Variants in INTS4 observed in about 807,000 individuals in gnomAD.
INTS4 encodes the protein MSTP093.
Under a neutral mutation model 119.5 loss-of-function variants are expected in INTS4, and 70 were observed. The observed-to-expected ratio is 0.59, with a 90% CI of 0.48 to 0.71. The LOEUF is 0.71. INTS4 is among the 30% of genes least tolerant of loss of function. INTS4 has a pLI of 0.00. For synonymous variants in INTS4, 316 were observed against 419.6 expected (o/e 0.75, Z 3.02); for missense variants, 867 against 1,173.2 (o/e 0.74, Z 3.81).
At position 77,891,811 on chromosome 11, in the gene INTS4, T is replaced by C. The variant is rs1952281777; in HGVS notation, c.2318A>G (p.Gln773Arg). 1.2e-6 allele frequency: 2 copies of C among 1,611,752 alleles called. No homozygotes were observed. Among genetic ancestry groups the C allele is most frequent in the Non-Finnish European group, 1.7e-6 (2 of 1,179,680 alleles). The change falls in exon 20 of 23, where the codon CAG becomes CGG. Residue 773 changes from glutamine to arginine, a missense_variant. Gln to Arg is a conservative substitution (Grantham distance 43, BLOSUM62 1). Transcript: ENST00000534064. ...RYFIADLPHL[Q>R]DSFVDKLLDL... ...AAGGAGTTTGTCCACAAAGCTGTCCTGCAAGTGGGGCAAATCAGCGATGAA... is the reference window on the plus strand; with the variant it reads ...AAGGAGTTTGTCCACAAAGCTGTCCCGCAAGTGGGGCAAATCAGCGATGAA...
intron 4 of INTS4, among the ~76,000 whole-genome samples, chr11:77,964,717 G>A (rs1855418342): frequency 6.6e-6 from 1 of 151,900 alleles, no homozygotes; most frequent in South Asian, 2.1e-4. Flanking sequence ...AATGAGGAAG[G>A]GCAAGTGGAG....
At chr11:77,890,149 AAAAC>A (rs769302086) in intron 21 of INTS4, among the ~76,000 whole-genome samples, 36 of 152,334 alleles carry the variant, frequency 2.4e-4, no homozygotes, top group East Asian at 1.2e-3. Context: ...AATGTGGAAA[AAAAC>A]AAACAAACAA....
intron 4 of INTS4, among the ~76,000 whole-genome samples, chr11:77,972,885 G>T (rs1360885780): frequency 6.6e-6 from 1 of 150,854 alleles, no homozygotes; most frequent in Admixed American, 6.6e-5. Flanking sequence ...CAGGCTTAGT[G>T]GAGTGGCATA....
At chr11:77,921,079 T>C (rs1477622783) in intron 14 of INTS4, among the ~76,000 whole-genome samples, 1 of 152,028 alleles carries the variant, frequency 6.6e-6, no homozygotes, top group Non-Finnish European at 1.5e-5. Flanking sequence ...AAACAAGTTT[T>C]CAGAGAATAT....
intron 15 of INTS4, among the ~76,000 whole-genome samples, chr11:77,917,476 G>C (rs914629318): frequency 7.9e-5 from 12 of 151,610 alleles, no homozygotes; most frequent in Non-Finnish European, 1.5e-4. Flanking sequence ...ACCACACCTG[G>C]CTAATTTTTG....
intron 15 of INTS4, among the ~76,000 whole-genome samples, chr11:77,916,342 T>C (rs1953203961): frequency 6.6e-6 from 1 of 152,262 alleles, no homozygotes; most frequent in Non-Finnish European, 1.5e-5. Flanking sequence ...TATAGTCTGT[T>C]GCTCCTAGGC....
chr11:77,965,082 G>A (rs533915803), intron 4 of INTS4, among the ~76,000 whole-genome samples: 4 of 152,124 alleles, frequency 2.6e-5, no homozygotes, highest in African/African-American at 9.6e-5. Context: ...TGTTTTTTAA[G>A]AGACAACATC....
intron 17 of INTS4, among the ~76,000 whole-genome samples, chr11:77,903,298 C>T (rs1483973894): frequency 2.6e-5 from 4 of 151,910 alleles, no homozygotes; most frequent in African/African-American, 4.8e-5. Context: ...CCTCTGGCTC[C>T]GCCTTGGACC....
chr11:77,965,908 C>T (rs1294686985), intron 4 of INTS4, among the ~76,000 whole-genome samples: 1 of 152,166 alleles, frequency 6.6e-6, no homozygotes, highest in Non-Finnish European at 1.5e-5. Flanking sequence ...ATCTTGTTTT[C>T]CATAAATAGT....
chr11:77,969,150 G>C (rs754577271), intron 4 of INTS4, among the ~76,000 whole-genome samples: 1 of 152,064 alleles, frequency 6.6e-6, no homozygotes, highest in Non-Finnish European at 1.5e-5. Context: ...GGCCAGGCTG[G>C]TCTCAAACTC....
At chr11:77,967,106 T>C (rs1234455710) in intron 4 of INTS4, among the ~76,000 whole-genome samples, 2 of 152,324 alleles carry the variant, frequency 1.3e-5, no homozygotes, top group South Asian at 2.1e-4. Flanking sequence ...ATATTAAGCA[T>C]CTTTTCATAT....
intron 15 of INTS4, among the ~76,000 whole-genome samples, chr11:77,913,452 C>T (rs1477682814): frequency 1.3e-5 from 2 of 151,794 alleles, no homozygotes; most frequent in South Asian, 2.1e-4. Flanking sequence ...GCTGGGACTA[C>T]AGGCACCCGC....
chr11:77,964,754 AAAG>A (rs1855421353), intron 4 of INTS4, among the ~76,000 whole-genome samples: 1 of 151,954 alleles, frequency 6.6e-6, no homozygotes, highest in African/African-American at 2.4e-5. Flanking sequence ...AGCAGGAAGG[AAAG>A]AAGAGAGGGA....
Position 77,984,888 on chromosome 11 carries a change from G to A in INTS4, c.247-3312C>T, listed in dbSNP as rs188892734. Among the ~76,000 whole-genome samples the A allele has an allele frequency of 2.5e-3, 325 of 130,102 alleles. 2 individuals are homozygous for A. The highest frequency in any genetic ancestry group is 9.2e-3 in the African/African-American group (316 of 34,318). 85.4% of individuals were successfully genotyped at this position (130,102 alleles called of 152,430 possible). On this transcript the variant is annotated intron_variant, in intron 2 of 22. Coordinates refer to ENST00000534064, the MANE Select transcript of INTS4 (RefSeq NM_033547.4). ...TGTTAGGAAAAAAAAGGGAAAAAAG[G>A]GGGGGAAAAGAAAATAAATGTAAAT... is the stretch of plus-strand genomic sequence containing the variant.
At chr11:77,901,641 G>A in intron 17 of INTS4, 90 bp from the exon 18 acceptor site, 1 of 944,708 alleles carries the variant, frequency 1.1e-6, no homozygotes, top group Non-Finnish European at 1.7e-6. Context: ...GACCTTAGGT[G>A]AAACTCTTAA....
At chr11:77,917,904 A>G (rs1387074097) in intron 15 of INTS4, 38 of 587,796 alleles carry the variant, frequency 6.5e-5, no homozygotes, top group Non-Finnish European at 9.8e-5. Flanking sequence ...TAAAGACTGC[A>G]TGTCCTCGCT....
intron 4 of INTS4, among the ~76,000 whole-genome samples, chr11:77,969,945 G>A (rs1167782503): frequency 6.6e-6 from 1 of 152,108 alleles, no homozygotes; most frequent in Non-Finnish European, 1.5e-5. Flanking sequence ...CTTTCACTTA[G>A]CATAATGTTT....
At chr11:77,964,851 T>G (rs1190902932) in intron 4 of INTS4, among the ~76,000 whole-genome samples, 2 of 152,068 alleles carry the variant, frequency 1.3e-5, no homozygotes, top group Admixed American at 6.6e-5. Context: ...GGTAGTTTGA[T>G]GAGGAAGAGC....
At chr11:77,968,058 G>A (rs1855570208) in intron 4 of INTS4, among the ~76,000 whole-genome samples, 1 of 152,044 alleles carries the variant, frequency 6.6e-6, no homozygotes, top group South Asian at 2.1e-4. Context: ...ACTGAATATT[G>A]TAGGCAACTG....
Sources: allele counts gnomAD v4.1 joint callset (sites outside exome capture counted in the v4.1 genomes callset), GRCh38; gene constraint gnomAD v4.1.1; transcripts MANE v1.5; gene names NCBI Gene and HGNC (gene_info 2026-07-23, HGNC 2026-07-21).